Variants in KCNAB1 observed in about 807,000 individuals in gnomAD.
The protein encoded by KCNAB1 is potassium voltage-gated channel subfamily A regulatory beta subunit 1.
KCNAB1 carries 35 observed loss-of-function variants against 64.6 expected under a neutral mutation model. The ratio of observed to expected loss-of-function variants is 0.54; its 90% CI spans 0.41 to 0.72. The LOEUF is 0.72. Ranked by LOEUF, KCNAB1 falls within the 30% of genes least tolerant of loss-of-function variation. The probability of loss-of-function intolerance (pLI) is 0.00; values close to 1 mark genes in which losing one functional copy is unlikely to be tolerated. For missense variants in KCNAB1, 401 were observed against 512.9 expected, an observed-to-expected ratio of 0.78 and a Z score of 2.11; for synonymous variants, 177 against 183.8, an observed-to-expected ratio of 0.96 and a Z score of 0.30.
intron 2 of KCNAB1, among the ~76,000 whole-genome samples, chr3:156,424,702 A>G (rs1715700040): frequency 6.6e-6 from 1 of 152,188 alleles, no homozygotes; most frequent in African/African-American, 2.4e-5. Context: ...AGACAATAAC[A>G]AATTCAGGTG....
intron 1 of KCNAB1, among the ~76,000 whole-genome samples, chr3:156,290,056 C>G (rs1055927506): frequency 3.3e-5 from 5 of 152,126 alleles, no homozygotes; most frequent in Non-Finnish European, 5.9e-5. Context: ...ATCTTTGTGG[C>G]CCAGCAACAA....
chr3:156,190,081 G>A (rs1469620419), intron 1 of KCNAB1, among the ~76,000 whole-genome samples: 1 of 152,192 alleles, frequency 6.6e-6, no homozygotes, highest in African/African-American at 2.4e-5. Context: ...GAGTTATGTT[G>A]AGTCATTAAT....
intron 1 of KCNAB1, among the ~76,000 whole-genome samples, chr3:156,325,770 T>C (rs1180429379): frequency 6.6e-6 from 1 of 151,952 alleles, no homozygotes; most frequent in Non-Finnish European, 1.5e-5. Flanking sequence ...CTGGGCAATA[T>C]AGCAAGACCT....
intron 1 of KCNAB1, among the ~76,000 whole-genome samples, chr3:156,157,922 G>A (rs1165007628): frequency 3.3e-5 from 5 of 151,990 alleles, no homozygotes; most frequent in African/African-American, 1.2e-4. Context: ...CCAGCACTTT[G>A]GGAGGCCGAG....
chr3:156,218,555 C>T (rs899227659), intron 1 of KCNAB1, among the ~76,000 whole-genome samples: 4 of 152,050 alleles, frequency 2.6e-5, no homozygotes, highest in Non-Finnish European at 5.9e-5. Flanking sequence ...CTCTTAAAAG[C>T]GTCACCTCCT....
At chr3:156,523,695 C>A in intron 11 of KCNAB1, 132 bp from the exon 12 acceptor site, 1 of 770,234 alleles carries the variant, frequency 1.3e-6, no homozygotes, top group South Asian at 1.7e-5. Context: ...GAAATCATCC[C>A]TGTCAGTGTG....
intron 11 of KCNAB1, among the ~76,000 whole-genome samples, chr3:156,517,304 A>G (rs1025368324): frequency 1.3e-5 from 2 of 152,224 alleles, no homozygotes; most frequent in Admixed American, 6.5e-5. Flanking sequence ...TCAAGGCTCT[A>G]GGCCTTTGAC....
Position 156,466,294 on chromosome 3 carries a change from G to A in KCNAB1, c.571+608G>A, listed in dbSNP as rs1008695016. ...GCATAATGTTCATTCATGTTGTAGC[G>A]CATGTCAGTATTTTATCCCTTTCTT... On this transcript the variant is annotated intron_variant, in intron 7 of 13. Coordinates refer to ENST00000490337, the MANE Select transcript of KCNAB1 (RefSeq NM_172160.3). Among the ~76,000 whole-genome samples, 8 of 152,044 alleles carry A rather than the reference G, an allele frequency of 5.3e-5. No homozygotes were observed. In the East Asian group the frequency reaches 5.8e-4, roughly 11 times the overall value.
chr3:156,216,563 C>T (rs116571565), intron 1 of KCNAB1, among the ~76,000 whole-genome samples: 2,603 of 152,250 alleles, frequency 0.017, 47 homozygotes, highest in South Asian at 0.03. Context: ...GAATGAATAA[C>T]ATTTGACAAA....
chr3:156,273,759 G>A, intron 1 of KCNAB1: 1 of 424,324 alleles, frequency 2.4e-6, no homozygotes, highest in Non-Finnish European at 4.7e-6. Flanking sequence ...GTGTTCCTGT[G>A]GGGAGGATGA....
At chr3:156,485,762 G>C (rs1195861204) in intron 8 of KCNAB1, among the ~76,000 whole-genome samples, 1 of 151,904 alleles carries the variant, frequency 6.6e-6, no homozygotes. Context: ...CCCTCTTTTG[G>C]AGTCCCCATT....
intron 5 of KCNAB1, chr3:156,460,170 T>G: frequency 3.3e-6 from 1 of 305,932 alleles, no homozygotes; most frequent in South Asian, 7.0e-5. Context: ...GACTGCCATT[T>G]GTGCTAATCT....
chr3:156,479,812 C>T (rs997133961), intron 8 of KCNAB1, among the ~76,000 whole-genome samples: 2 of 152,000 alleles, frequency 1.3e-5, no homozygotes, highest in Non-Finnish European at 2.9e-5. Flanking sequence ...ATAAAGCAGC[C>T]CAGATGTCTC....
chr3:156,385,299 T>C (rs1044774860), intron 1 of KCNAB1, among the ~76,000 whole-genome samples: 1 of 152,174 alleles, frequency 6.6e-6, no homozygotes, highest in Non-Finnish European at 1.5e-5. Flanking sequence ...ACAGTCTCCA[T>C]GGCCCCCACT....
At chr3:156,284,729 T>G (rs1719987084) in intron 1 of KCNAB1, among the ~76,000 whole-genome samples, 1 of 152,230 alleles carries the variant, frequency 6.6e-6, no homozygotes, top group African/African-American at 2.4e-5. Flanking sequence ...GACCCGATTT[T>G]CCAGGTGCGT....
intron 1 of KCNAB1, among the ~76,000 whole-genome samples, chr3:156,263,547 G>T (rs949563395): frequency 5.3e-5 from 8 of 151,950 alleles, no homozygotes; most frequent in Admixed American, 2.0e-4. Context: ...CTAGCATATG[G>T]TCCATCTTGG....
At chr3:156,494,008 G>C (rs1715825313) in intron 8 of KCNAB1, among the ~76,000 whole-genome samples, 1 of 152,048 alleles carries the variant, frequency 6.6e-6, no homozygotes, top group South Asian at 2.1e-4. Context: ...AAGTCTCTTT[G>C]GGGGAGATAC....
chr3:156,432,292 C>A (rs544748410), intron 2 of KCNAB1, among the ~76,000 whole-genome samples: 1 of 152,112 alleles, frequency 6.6e-6, no homozygotes, highest in Non-Finnish European at 1.5e-5. Context: ...GCCTAATTGA[C>A]GAAATTTTCC....
intron 1 of KCNAB1, among the ~76,000 whole-genome samples, chr3:156,170,237 T>C (rs895939562): frequency 5.9e-5 from 9 of 151,790 alleles, no homozygotes; most frequent in East Asian, 1.9e-4. Context: ...TTTTTTTTTT[T>C]CCTAAGTGCA....
Sources: allele counts gnomAD v4.1 joint callset (sites outside exome capture counted in the v4.1 genomes callset), GRCh38; gene constraint gnomAD v4.1.1; transcripts MANE v1.5; gene names NCBI Gene and HGNC (gene_info 2026-07-23, HGNC 2026-07-21).